Variants in WDR59 observed in about 807,000 individuals in gnomAD.
The protein encoded by WDR59 is WD repeat domain 59, also known as GATOR2 complex protein WDR59.
Under a neutral mutation model 131.2 loss-of-function variants are expected in WDR59, and 100 were observed. The observed-to-expected ratio is 0.76, with a 90% confidence interval of 0.65 to 0.90. The LOEUF (loss-of-function observed/expected upper bound fraction) is 0.90. Among genes scored for constraint, WDR59 ranks in the 40% least tolerant of loss-of-function variants. The pLI, the probability that WDR59 is intolerant of heterozygous loss-of-function variation, is 0.00. For missense variants in WDR59, 1,203 were observed against 1,262.2 expected (o/e 0.95, Z 0.71); for synonymous variants, 601 against 466.2 (o/e 1.29, Z -3.72).
intron 18 of WDR59, among the ~76,000 whole-genome samples, chr16:74,900,381 T>A (rs10514389): frequency 1.3e-5 from 2 of 151,940 alleles, no homozygotes; most frequent in African/African-American, 4.8e-5. Context: ...AAAGCACCTT[T>A]GCTAACAATA....
chr16:74,909,646 G>A lies in WDR59; in HGVS notation c.1497C>T (p.Asp499=), dbSNP rs1396063859. The part of the protein sequence containing the change: ...SCLESFVNQE[D]SASSNPFALP... ...GTGCAAACGGGTTGCTGGAAGCGCT[G>A]TCTTCCTGGTTCTGAAATTTAAAAA... Residue 499 remains aspartate, a synonymous_variant, in exon 16 of 26, where the codon GAC becomes GAT. Coordinates refer to ENST00000262144, the MANE Select transcript of WDR59 (RefSeq NM_030581.4). 1.3e-6 allele frequency: 2 copies of A among 1,572,260 alleles called. No homozygotes were observed. The highest frequency in any genetic ancestry group is 2.3e-5 in the East Asian group (1 of 44,396).
chr16:74,886,595 C>T (rs1964777163), intron 23 of WDR59, 199 bp from the exon 24 acceptor site: 1 of 585,018 alleles, frequency 1.7e-6, no homozygotes, highest in African/African-American at 1.9e-5. Flanking sequence ...ACTAAGAGAA[C>T]TTGATCACTA....
chr16:74,958,682 C>A (rs1435479132), intron 2 of WDR59, among the ~76,000 whole-genome samples: 1 of 149,556 alleles, frequency 6.7e-6, no homozygotes, highest in Non-Finnish European at 1.5e-5. Flanking sequence ...TTGCTTCCCC[C>A]CAACTGGAGG....
chr16:74,879,957 G>A (rs1964399178), intron 25 of WDR59, among the ~76,000 whole-genome samples: 1 of 151,458 alleles, frequency 6.6e-6, no homozygotes, highest in Admixed American at 6.6e-5. Flanking sequence ...AGGCTGAGGT[G>A]GAAGGATCAC....
rs1311355053 is a variant in WDR59, at chr16:74,885,711, C to G, written c.2631G>C (p.Glu877Asp). The change falls in exon 25 of 26, where the codon GAG becomes GAC. Residue 877 changes from glutamate to aspartate, a missense_variant. Coordinates refer to ENST00000262144, the MANE Select transcript of WDR59 (RefSeq NM_030581.4). ...GEILYRWGLR[E>D]KRAEVLKFVS... ...CAAACTTCAACACTTCAGCTCGCTTCTCTCTCAGACCCCAACGGTAGAGGA... is the reference window on the plus strand; with the variant it reads ...CAAACTTCAACACTTCAGCTCGCTTGTCTCTCAGACCCCAACGGTAGAGGA... 2 of 1,614,182 alleles carry G rather than the reference C, an allele frequency of 1.2e-6. No homozygotes were observed. The highest frequency in any genetic ancestry group is 2.2e-5 in the South Asian group (2 of 91,084).
intron 3 of WDR59, among the ~76,000 whole-genome samples, chr16:74,951,763 G>A (rs913341038): frequency 6.6e-6 from 1 of 152,144 alleles, no homozygotes; most frequent in Non-Finnish European, 1.5e-5. Context: ...AAAATGGAAA[G>A]GCAGGACTAT....
intron 2 of WDR59, among the ~76,000 whole-genome samples, chr16:74,957,742 T>C (rs985297092): frequency 3.2e-4 from 49 of 152,170 alleles, no homozygotes; most frequent in African/African-American, 1.2e-3. Context: ...ATTGATTCTT[T>C]GCTAGAGACC....
Position 74,923,946 on chromosome 16 carries a change from C to G in WDR59, c.709G>C (p.Val237Leu). The G allele has an allele frequency of 1.2e-6, 2 of 1,613,674 alleles. No individual in the cohort carries two copies. The highest frequency in any genetic ancestry group is 1.7e-6 in the Non-Finnish European group (2 of 1,179,966). ...CTCACTGTGTATCTGGCCTTCCAGA[C>G]AGGCACCTGGCAAGGAAGAATATTG... ...YLNILPCQVP[V>L]WKARYTPFSN... The change falls in exon 9 of 26, where the codon GTC becomes CTC. Residue 237 changes from valine to leucine, a missense_variant. Transcript: ENST00000262144.
At chr16:74,902,904 T>C (rs1178098174) in intron 18 of WDR59, among the ~76,000 whole-genome samples, 2 of 151,272 alleles carry the variant, frequency 1.3e-5, no homozygotes, top group African/African-American at 4.9e-5. Flanking sequence ...AAGGGGACTA[T>C]AGGAAAGTGT....
Position 74,965,795 on chromosome 16 carries a change from C to T in WDR59, c.82G>A (p.Gly28Arg), listed in dbSNP as rs2033748023. Residue 28 changes from glycine to arginine, a missense_variant, in exon 2 of 26, where the codon GGG becomes AGG. Physicochemically the swap from Gly to Arg is moderately radical, Grantham distance 125. Coordinates refer to ENST00000262144, the MANE Select transcript of WDR59 (RefSeq NM_030581.4). ...QATAMSVDCL[G>R]QHAVLSGRRF... is the part of the protein sequence containing the mutation. ...TACCCAGAAAGCACTGCATGCTGCCCAAGACAGTCCACAGACATCGCAGTT... is the reference window on the plus strand; with the variant it reads ...TACCCAGAAAGCACTGCATGCTGCCTAAGACAGTCCACAGACATCGCAGTT... 6.2e-7 allele frequency: 1 copy of T among 1,613,958 alleles called. No individual in the cohort carries two copies. Among genetic ancestry groups the T allele is most frequent in the Non-Finnish European group, 8.5e-7 (1 of 1,180,002 alleles).
chr16:74,884,354 C>G (rs1055570446), intron 25 of WDR59, among the ~76,000 whole-genome samples: 4 of 152,134 alleles, frequency 2.6e-5, no homozygotes, highest in Admixed American at 2.0e-4. Context: ...AATTGAAATT[C>G]TTTTTGTTTT....
At chr16:74,984,014 C>G (rs941270597) in intron 1 of WDR59, among the ~76,000 whole-genome samples, 1 of 152,004 alleles carries the variant, frequency 6.6e-6, no homozygotes, top group African/African-American at 2.4e-5. Context: ...CGGTGGCCCA[C>G]GCCTGTAATC....
chr16:74,930,195 G>C (rs979335307), intron 8 of WDR59, among the ~76,000 whole-genome samples: 2 of 152,152 alleles, frequency 1.3e-5, no homozygotes, highest in African/African-American at 4.8e-5. Context: ...GAAAGGGTAT[G>C]ATTAGAATGT....
At chr16:74,956,654 T>C (rs752830910) in intron 2 of WDR59, 44 bp from the exon 3 acceptor site, 4 of 1,594,026 alleles carry the variant, frequency 2.5e-6, no homozygotes, top group South Asian at 2.3e-5. Context: ...AAACACAACA[T>C]CATTAGCATT....
At chr16:74,968,862 A>T (rs1402788660) in intron 1 of WDR59, among the ~76,000 whole-genome samples, 1 of 152,200 alleles carries the variant, frequency 6.6e-6, no homozygotes, top group African/African-American at 2.4e-5. Flanking sequence ...CCTAGAAAAA[A>T]CAGGTTACCA....
intron 3 of WDR59, among the ~76,000 whole-genome samples, chr16:74,954,298 C>T (rs2033169935): frequency 2.0e-5 from 3 of 152,064 alleles, no homozygotes; most frequent in South Asian, 4.2e-4. Flanking sequence ...ATCCCAGCTA[C>T]TTGGGAGGCT....
At chr16:74,893,652 G>A in intron 19 of WDR59, 27 bp downstream of exon 19, 1 of 1,611,058 alleles carries the variant, frequency 6.2e-7, no homozygotes, top group East Asian at 2.2e-5. Flanking sequence ...AATGATGAGT[G>A]CAGCAGACTT....
At chr16:74,923,837 A>C (rs2030501127) in intron 9 of WDR59, 89 bp downstream of exon 9, 2 of 1,202,236 alleles carry the variant, frequency 1.7e-6, no homozygotes, top group Admixed American at 4.7e-5. Context: ...TCACCTCACA[A>C]AGAAAATAAG....
intron 18 of WDR59, among the ~76,000 whole-genome samples, chr16:74,894,286 G>T (rs1265233710): frequency 4.6e-5 from 7 of 152,084 alleles, no homozygotes; most frequent in African/African-American, 1.7e-4. Flanking sequence ...TAATCTATAT[G>T]GTAGGAAAAC....
Sources: gnomAD v4.1 joint callset for allele counts (sites outside exome capture counted in the v4.1 genomes callset) on GRCh38, gnomAD v4.1.1 for gene constraint, MANE v1.5 for transcripts, NCBI Gene and HGNC (gene_info 2026-07-23, HGNC 2026-07-21) for gene names.